CLCA4: variants seen among roughly 807,000 people sequenced by gnomAD.
The protein encoded by CLCA4 is calcium-activated chloride channel regulator 4.
In CLCA4, 69 loss-of-function variants were observed where a neutral mutation model predicts 78.9. The observed-to-expected ratio is 0.87, with a 90% CI of 0.72 to 1.07. The LOEUF is 1.07. CLCA4 is among the 50% of genes least tolerant of loss of function. The pLI is 0.00. For missense variants in CLCA4, 1,133 were observed against 1,095.8 expected (o/e 1.03, Z -0.48); for synonymous variants, 362 against 375.8 (o/e 0.96, Z 0.42).
chr1:86,555,016 G>A (rs1364044709), intron 1 of CLCA4, among the ~76,000 whole-genome samples: 1 of 151,896 alleles, frequency 6.6e-6, no homozygotes, highest in Non-Finnish European at 1.5e-5. Context: ...CTTTTGAAAT[G>A]CATCTGTTCA....
intron 1 of CLCA4, chr1:86,553,475 C>T (rs559385022): frequency 3.4e-5 from 11 of 326,752 alleles, no homozygotes; most frequent in Non-Finnish European, 6.1e-5. Flanking sequence ...CGATCCTGTC[C>T]GACCCGCGAG....
At position 86,553,224 on chromosome 1, in the gene CLCA4, A is replaced by G; in HGVS notation, c.159+5946A>G. 3.5e-6 allele frequency: 4 copies of G among 1,153,022 alleles called. No individual in the cohort carries two copies. In the African/African-American group the frequency reaches 4.5e-5, roughly 13 times the overall value. The allele number at this position is 1,153,022 out of a possible 1,614,324, so 71.4% of individuals were successfully genotyped here. On this transcript the variant is annotated intron_variant, in intron 1 of 13. Transcript: ENST00000370563. ...GCAAAGCTGCAGCTTCACCAGGGAC[A>G]TGTCCAAGAGGGACTGCCGCTGCAA...
chr1:86,576,521 C>T (rs555606485), intron 11 of CLCA4, among the ~76,000 whole-genome samples: 1 of 152,074 alleles, frequency 6.6e-6, no homozygotes, highest in African/African-American at 2.4e-5. Context: ...GTTTATCATC[C>T]AGGCAACCAA....
At chr1:86,578,620 T>C (rs1234086889) in intron 12 of CLCA4, among the ~76,000 whole-genome samples, 1 of 152,070 alleles carries the variant, frequency 6.6e-6, no homozygotes, top group Non-Finnish European at 1.5e-5. Flanking sequence ...TCCATGTTCC[T>C]GCAAAAGACA....
intron 1 of CLCA4, among the ~76,000 whole-genome samples, chr1:86,548,359 T>A (rs369172489): frequency 3.9e-5 from 6 of 152,306 alleles, no homozygotes; most frequent in Admixed American, 3.9e-4. Context: ...CATTGTTGGA[T>A]GAATAGTTTG....
intron 7 of CLCA4, among the ~76,000 whole-genome samples, chr1:86,569,441 A>T (rs1650287150): frequency 6.6e-6 from 1 of 152,038 alleles, no homozygotes; most frequent in Non-Finnish European, 1.5e-5. Context: ...AACTTCAAAA[A>T]ATATGAGGCT....
chr1:86,579,253 T>C (rs969722815), intron 12 of CLCA4, 101 bp from the exon 13 acceptor site: 2 of 876,520 alleles, frequency 2.3e-6, no homozygotes, highest in African/African-American at 1.7e-5. Context: ...TGACTGTATA[T>C]ATTTTTTTAG....
At position 86,578,065 on chromosome 1, in the gene CLCA4, A is replaced by G. The variant is rs745325849; in HGVS notation, c.2115A>G (p.Val705=). Residue 705 remains valine (V), a synonymous_variant, in exon 12 of 14, where the codon GTA becomes GTG. Coordinates refer to ENST00000370563, the MANE Select transcript of CLCA4 (RefSeq NM_012128.4). ...GAGCCGCGTACATACCAGGCTGGGT[A>G]GTGAACGGTGAGTAACTCATGATAT... The part of the protein sequence containing the change: ...LNRAAYIPGW[V]VNGEIEANPP... 3.7e-6 allele frequency: 6 copies of G among 1,609,402 alleles called. No individual in the cohort carries two copies. The highest frequency in any genetic ancestry group is 4.2e-6 in the Non-Finnish European group (5 of 1,178,156).
chr1:86,554,310 CA>C (rs1189949532), intron 1 of CLCA4, among the ~76,000 whole-genome samples: 2 of 152,182 alleles, frequency 1.3e-5, no homozygotes, highest in African/African-American at 4.8e-5. Context: ...CATGTTCCCG[CA>C]AAAGACATGA....
At chr1:86,572,748 A>C (rs772587100) in intron 9 of CLCA4, 28 bp downstream of exon 9, 4 of 1,312,056 alleles carry the variant, frequency 3.0e-6, no homozygotes, top group Non-Finnish European at 4.4e-6. Flanking sequence ...TTGGGTTTTC[A>C]TGTTCACTTT....
At chr1:86,570,693 A>G (rs1650325201) in intron 7 of CLCA4, among the ~76,000 whole-genome samples, 1 of 152,046 alleles carries the variant, frequency 6.6e-6, no homozygotes, top group Non-Finnish European at 1.5e-5. Flanking sequence ...TTATAAACTG[A>G]AGGCTTGTCT....
intron 1 of CLCA4, among the ~76,000 whole-genome samples, chr1:86,555,104 T>C (rs1162260776): frequency 1.3e-5 from 2 of 152,194 alleles, no homozygotes; most frequent in African/African-American, 2.4e-5. Flanking sequence ...ATGCTGGATA[T>C]TAGACCGGTG....
At position 86,571,326 on chromosome 1, in the gene CLCA4, G is replaced by A. The variant is rs1260260336; in HGVS notation, c.1360+72G>A. 7.7e-6 allele frequency: 11 copies of A among 1,428,658 alleles called. No individual in the cohort carries two copies. In the Admixed American group the frequency reaches 1.2e-4, roughly 15 times the overall value. The allele number at this position is 1,428,658 out of a possible 1,614,324, so 88.5% of individuals were successfully genotyped here. On this transcript the variant is annotated intron_variant, in intron 8 of 13. Coordinates refer to ENST00000370563, the MANE Select transcript of CLCA4 (RefSeq NM_012128.4). ...ATGTAAAGGCTGACAGTTCAACAACGTCTCTTGAGTTTCTGCCTTGGAGGC... is the reference window on the plus strand; with the variant it reads ...ATGTAAAGGCTGACAGTTCAACAACATCTCTTGAGTTTCTGCCTTGGAGGC...
chr1:86,556,467 G>A (rs1413147455), intron 1 of CLCA4, among the ~76,000 whole-genome samples: 3 of 152,124 alleles, frequency 2.0e-5, no homozygotes, highest in Non-Finnish European at 2.9e-5. Context: ...CTTTAGTCCT[G>A]TTTATGTGAT....
chr1:86,565,506 GT>G lies in CLCA4; in HGVS notation c.735+60del. The G allele has an allele frequency of 3.0e-6, 4 of 1,350,134 alleles. No homozygotes were observed. The East Asian group carries it at 9.2e-5, about 31-fold the overall frequency. 83.6% of individuals were successfully genotyped at this position (1,350,134 alleles called of 1,614,324 possible). Reference sequence around the variant, plus strand: ...TTATAATCAAATGACATATTGTCATGTTTTTAAAGTATCTGTTCAGGTGACC... The same window carrying G: ...TTATAATCAAATGACATATTGTCATGTTTTAAAGTATCTGTTCAGGTGACC... On this transcript the variant is annotated intron_variant, in intron 5 of 13. Transcript: ENST00000370563.
At chr1:86,576,058 T>C (rs1423314962) in intron 11 of CLCA4, among the ~76,000 whole-genome samples, 1 of 151,560 alleles carries the variant, frequency 6.6e-6, no homozygotes, top group African/African-American at 2.4e-5. Flanking sequence ...TAACACCACA[T>C]TCCAGCCTGG....
chr1:86,578,712 G>A (rs936401427), intron 12 of CLCA4, among the ~76,000 whole-genome samples: 1 of 151,988 alleles, frequency 6.6e-6, no homozygotes, highest in Non-Finnish European at 1.5e-5. Context: ...CCAGCTTTCA[G>A]CTCAAGATGA....
intron 1 of CLCA4, among the ~76,000 whole-genome samples, chr1:86,558,660 A>G (rs1339477909): frequency 1.3e-5 from 2 of 152,202 alleles, no homozygotes; most frequent in Non-Finnish European, 2.9e-5. Context: ...ACATGGCAGC[A>G]GGAAGGAGAA....
In CLCA4 at chr1:86,567,661, G is replaced by A. The variant is rs777809019; in HGVS notation, c.1182+10G>A. 1.0e-5 allele frequency: 16 copies of A among 1,602,200 alleles called. No homozygotes were observed. Among genetic ancestry groups the A allele is most frequent in the East Asian group, 4.5e-5 (2 of 44,736 alleles). ...TAAATATGCATTTCAGGTGAAAATC[G>A]TACTGCAAATATATTTTGGTTTTTG... On this transcript the variant is annotated intron_variant, in intron 7 of 13. Transcript: ENST00000370563.
Sources: gnomAD v4.1 joint callset for allele counts (sites outside exome capture counted in the v4.1 genomes callset) on GRCh38, gnomAD v4.1.1 for gene constraint, MANE v1.5 for transcripts, NCBI Gene and HGNC (gene_info 2026-07-23, HGNC 2026-07-21) for gene names.